TMEM181: variants seen among roughly 807,000 people sequenced by gnomAD.
TMEM181 encodes the protein G protein-coupled receptor 178.
TMEM181 carries 39 observed loss-of-function variants against 71.9 expected under a neutral mutation model. The observed-to-expected ratio is 0.54, with a 90% CI of 0.42 to 0.71. TMEM181 has a LOEUF of 0.71. TMEM181 is among the 30% of genes least tolerant of loss of function. The pLI is 0.00. For synonymous variants in TMEM181, 245 were observed against 228.8 expected (o/e 1.07, Z -0.64); for missense variants, 595 against 583.0 (o/e 1.02, Z -0.21).
At chr6:158,548,782 C>T (rs972935875) in intron 1 of TMEM181, among the ~76,000 whole-genome samples, 4 of 152,216 alleles carry the variant, frequency 2.6e-5, no homozygotes, top group Admixed American at 6.5e-5. Flanking sequence ...AAGGCTTGCA[C>T]GGTGAAGTCA....
chr6:158,576,173 C>T (rs1035858659), intron 2 of TMEM181, among the ~76,000 whole-genome samples: 8 of 152,196 alleles, frequency 5.3e-5, no homozygotes, highest in African/African-American at 1.9e-4. Flanking sequence ...AATGCTTGTA[C>T]ATTAGATGGT....
At chr6:158,590,267 T>C (rs1784032530) in intron 6 of TMEM181, among the ~76,000 whole-genome samples, 1 of 152,150 alleles carries the variant, frequency 6.6e-6, no homozygotes, top group Non-Finnish European at 1.5e-5. Context: ...GTTCTCACGC[T>C]GCCTCCATCA....
Position 158,620,905 on chromosome 6 carries a change from T to A in TMEM181, c.897-2645T>A, listed in dbSNP as rs1785916199. Among the ~76,000 whole-genome samples the A allele has an allele frequency of 6.6e-6, 1 of 152,240 alleles. No individual in the cohort carries two copies. Among genetic ancestry groups the A allele is most frequent in the Non-Finnish European group, 1.5e-5 (1 of 68,044 alleles). ...ATAGGTTTATTTTGGACAATAAACCTGAGAGGGCCTTCTGGCCAAGTTAGG... is the reference window on the plus strand; with the variant it reads ...ATAGGTTTATTTTGGACAATAAACCAGAGAGGGCCTTCTGGCCAAGTTAGG... On this transcript the variant is annotated intron_variant, in intron 10 of 16. Transcript: ENST00000684151. The surrounding 1 kb of genome is among the most constrained non-coding windows in gnomAD (Gnocchi z 4.5).
At chr6:158,593,560 T>C (rs1784227988) in intron 6 of TMEM181, among the ~76,000 whole-genome samples, 1 of 152,238 alleles carries the variant, frequency 6.6e-6, no homozygotes. Context: ...ATGCTGTTTC[T>C]TCTGGTCTGA....
intron 10 of TMEM181, among the ~76,000 whole-genome samples, chr6:158,617,976 T>C (rs2128324269): frequency 6.6e-6 from 1 of 152,380 alleles, no homozygotes; most frequent in Admixed American, 6.5e-5. Context: ...TGGAGAGTTC[T>C]GTAGATGTCT....
chr6:158,578,429 G>A (rs1562631683), intron 2 of TMEM181, among the ~76,000 whole-genome samples: 1 of 152,146 alleles, frequency 6.6e-6, no homozygotes, highest in African/African-American at 2.4e-5. Context: ...GTAAAATCTA[G>A]TATTATTATA....
At chr6:158,628,344 C>A (rs114869031) in intron 13 of TMEM181, 64 bp from the exon 14 acceptor site, 3 of 1,496,012 alleles carry the variant, frequency 2.0e-6, no homozygotes, top group Admixed American at 1.7e-5. Flanking sequence ...ATAGAGAATT[C>A]TCTGAAGCTA....
At chr6:158,596,597 G>A (rs574526271) in intron 6 of TMEM181, among the ~76,000 whole-genome samples, 6 of 152,092 alleles carry the variant, frequency 3.9e-5, no homozygotes, top group Non-Finnish European at 7.4e-5. Context: ...TCAAATTCAG[G>A]GTAAAAATGA....
chr6:158,631,346 G>T lies in TMEM181; in HGVS notation c.1306G>T (p.Ala436Ser), dbSNP rs1331015068. 1 of 1,614,084 alleles carries T rather than the reference G, an allele frequency of 6.2e-7. No individual in the cohort carries two copies. The highest frequency in any genetic ancestry group is 1.3e-5 in the African/African-American group (1 of 74,944). ...LYESQLKDNP[A>S]FSMLNDSDDD... ...AGAGTCCCAGCTGAAAGACAATCCT[G>T]CCTTCTCCATGCTGAATGACTCGGA... is the stretch of plus-strand genomic sequence containing the variant. Residue 436 changes from alanine to serine, a missense_variant, in exon 16 of 17, where the codon GCC (alanine) becomes TCC (serine). By Grantham distance (99) the Ala-to-Ser change is moderately conservative. Transcript: ENST00000684151.
intron 2 of TMEM181, among the ~76,000 whole-genome samples, chr6:158,579,573 G>C (rs1357212456): frequency 6.6e-6 from 1 of 151,940 alleles, no homozygotes; most frequent in Admixed American, 6.6e-5. Flanking sequence ...GCAAAAATTA[G>C]CCGAGCATGG....
chr6:158,567,294 C>T lies in TMEM181; in HGVS notation c.9-6126C>T, dbSNP rs1027552188. ...GACTTCCTCAGCTGGCATGCTGACC[C>T]GGCTGGGCAGGTGGGGAAGCATGGA... On this transcript the variant is annotated intron_variant, in intron 1 of 16. Coordinates refer to ENST00000684151, the MANE Select transcript of TMEM181 (RefSeq NM_001376852.1). Among the ~76,000 whole-genome samples, 17 of 152,196 alleles carry T rather than the reference C, an allele frequency of 1.1e-4. No individual in the cohort carries two copies. The East Asian group carries it at 3.1e-3, about 28-fold the overall frequency.
intron 6 of TMEM181, among the ~76,000 whole-genome samples, chr6:158,603,435 G>A (rs1394408321): frequency 6.6e-6 from 1 of 152,172 alleles, no homozygotes; most frequent in African/African-American, 2.4e-5. Flanking sequence ...GAGCTCAGGC[G>A]GTAATGCTCG....
chr6:158,561,493 C>G (rs1408861062), intron 1 of TMEM181, among the ~76,000 whole-genome samples: 1 of 152,184 alleles, frequency 6.6e-6, no homozygotes, highest in Non-Finnish European at 1.5e-5. Flanking sequence ...AGAGTGACAG[C>G]TGCGTGTTAC....
chr6:158,555,789 C>A (rs1269230364), upstream of TMEM181, among the ~76,000 whole-genome samples: 1 of 152,134 alleles, frequency 6.6e-6, no homozygotes, highest in African/African-American at 2.4e-5. Context: ...ATTCTGTCAG[C>A]GAATGTCAGG....
At chr6:158,594,848 C>T (rs1393921858) in intron 6 of TMEM181, among the ~76,000 whole-genome samples, 3 of 151,958 alleles carry the variant, frequency 2.0e-5, no homozygotes, top group East Asian at 1.9e-4. Flanking sequence ...TCACCATGCC[C>T]GGATACTTTT....
intron 6 of TMEM181, among the ~76,000 whole-genome samples, chr6:158,602,341 C>T (rs548820815): frequency 9.2e-5 from 14 of 152,276 alleles, no homozygotes; most frequent in African/African-American, 3.1e-4. Context: ...AAGAAAGCAG[C>T]GATGAACATC....
chr6:158,577,562 A>G (rs1167516270), intron 2 of TMEM181, among the ~76,000 whole-genome samples: 1 of 152,226 alleles, frequency 6.6e-6, no homozygotes, highest in Non-Finnish European at 1.5e-5. Flanking sequence ...AACTTCCCAT[A>G]TTTGGTGAAT....
chr6:158,580,787 C>T (rs1783425134), intron 2 of TMEM181, among the ~76,000 whole-genome samples, 153 bp from the exon 3 acceptor site: 1 of 152,116 alleles, frequency 6.6e-6, no homozygotes, highest in African/African-American at 2.4e-5. Flanking sequence ...GTGTTTATAT[C>T]TTCTACTTAC....
At chr6:158,571,921 A>G (rs567477608) in intron 1 of TMEM181, among the ~76,000 whole-genome samples, 1 of 152,108 alleles carries the variant, frequency 6.6e-6, no homozygotes, top group African/African-American at 2.4e-5. Context: ...GCCTCTGAGG[A>G]TCTGTCAGGC....
Sources: gnomAD v4.1 joint callset for allele counts (sites outside exome capture counted in the v4.1 genomes callset) on GRCh38, gnomAD v4.1.1 for gene constraint, Gnocchi (gnomAD v3.1) non-coding constraint, MANE v1.5 for transcripts, NCBI Gene and HGNC (gene_info 2026-07-23, HGNC 2026-07-21) for gene names.